The following AHCYL2 variants were observed in gnomAD, a reference collection of about 807,000 sequenced individuals.
AHCYL2 encodes adenosylhomocysteinase like 2, also known as S-adenosylhomocysteine hydrolase-like protein 2.
In AHCYL2, 28 loss-of-function variants were observed where a neutral mutation model predicts 81.4. The observed-to-expected ratio is 0.34, with a 90% CI of 0.25 to 0.47. The LOEUF (loss-of-function observed/expected upper bound fraction) is 0.47, where lower values mean the gene tolerates loss of function less well. Among genes scored for constraint, AHCYL2 ranks in the 20% least tolerant of loss-of-function variants. AHCYL2 has a pLI of 1.00. For missense variants in AHCYL2, 551 were observed against 785.1 expected (o/e 0.70, Z 3.56); for synonymous variants, 272 against 290.2 (o/e 0.94, Z 0.64).
chr7:129,343,405 C>T (rs1441389987), intron 1 of AHCYL2, among the ~76,000 whole-genome samples: 2 of 152,028 alleles, frequency 1.3e-5, no homozygotes, highest in Admixed American at 6.6e-5. Context: ...ACTTTGTTAG[C>T]GATATATGGA....
At position 129,368,900 on chromosome 7, in the gene AHCYL2, G is replaced by A. The variant is rs538352507; in HGVS notation, c.364-10738G>A. On this transcript the variant is annotated intron_variant, in intron 1 of 16. Coordinates refer to ENST00000325006, the MANE Select transcript of AHCYL2 (RefSeq NM_015328.4). This position sits in a 1 kb window ranked among gnomAD's most constrained non-coding sequence, Gnocchi z 4.4. ...CTGATGCTTCATTTGTTTCTCTGGG[G>A]GTAAAGAAAAAGAACAATGAGGAGA... 6.6e-6 allele frequency among the ~76,000 whole-genome samples: 1 copy of A among 152,090 alleles called. No homozygotes were observed. Among genetic ancestry groups the A allele is most frequent in the South Asian group, 2.1e-4 (1 of 4,804 alleles).
At chr7:129,330,139 G>T (rs1385364251) in intron 1 of AHCYL2, among the ~76,000 whole-genome samples, 1 of 152,164 alleles carries the variant, frequency 6.6e-6, no homozygotes, top group Non-Finnish European at 1.5e-5. Flanking sequence ...GAGTAGCTGG[G>T]ACTACAGGAA....
At chr7:129,230,498 A>G (rs1794391063) in intron 1 of AHCYL2, among the ~76,000 whole-genome samples, 1 of 152,058 alleles carries the variant, frequency 6.6e-6, no homozygotes, top group South Asian at 2.1e-4. Context: ...ATGTGATGGA[A>G]CTAACAGAGC....
chr7:129,389,275 G>C (rs1169172737), intron 3 of AHCYL2, 76 bp downstream of exon 3: 2 of 1,553,302 alleles, frequency 1.3e-6, no homozygotes, highest in African/African-American at 1.4e-5. Flanking sequence ...TTTATGTCTG[G>C]GGTCTGGTAG....
At chr7:129,387,374 C>T (rs1035910430) in intron 2 of AHCYL2, among the ~76,000 whole-genome samples, 8 of 152,270 alleles carry the variant, frequency 5.3e-5, no homozygotes, top group Admixed American at 2.6e-4. Flanking sequence ...ACAACTCTTT[C>T]AAACGGATCA....
intron 15 of AHCYL2, among the ~76,000 whole-genome samples, chr7:129,425,699 C>T (rs536441506): frequency 3.3e-4 from 50 of 152,346 alleles, no homozygotes; most frequent in Middle Eastern, 3.4e-3. Flanking sequence ...TGAACTGATA[C>T]AGTGTGTTTA....
At chr7:129,405,274 G>C in intron 8 of AHCYL2, 61 bp downstream of exon 8, 1 of 1,334,448 alleles carries the variant, frequency 7.5e-7, no homozygotes, top group South Asian at 1.4e-5. Context: ...AAGTTTTTTG[G>C]CTTTGGTTAT....
rs1797027183 is a variant in AHCYL2, at chr7:129,419,765, C to T, written c.1462-3075C>T. Reference sequence around the variant, plus strand: ...AAAAAACAAAAAAAAACCGGATATGCACTGTTCAGAATTATATAAGACCAA... The same window carrying T: ...AAAAAACAAAAAAAAACCGGATATGTACTGTTCAGAATTATATAAGACCAA... On this transcript the variant is annotated intron_variant, in intron 12 of 16. Coordinates refer to ENST00000325006, the MANE Select transcript of AHCYL2 (RefSeq NM_015328.4). This position sits in a 1 kb window ranked among gnomAD's most constrained non-coding sequence, Gnocchi z 4.7. Among the ~76,000 whole-genome samples, 1 of 151,540 alleles carries T rather than the reference C, an allele frequency of 6.6e-6. No individual in the cohort carries two copies. The highest frequency in any genetic ancestry group is 1.5e-5 in the Non-Finnish European group (1 of 67,940).
Position 129,273,564 on chromosome 7 carries a change from G to C in AHCYL2, c.363+48125G>C, listed in dbSNP as rs916819688. On this transcript the variant is annotated intron_variant, in intron 1 of 16. Transcript: ENST00000325006. ...GCTCGTCTCGAACTCCCGACCTCAGGTGATCCGCCCACCTCGGCCTCCCAA... is the reference window on the plus strand; with the variant it reads ...GCTCGTCTCGAACTCCCGACCTCAGCTGATCCGCCCACCTCGGCCTCCCAA... Among the ~76,000 whole-genome samples the C allele has an allele frequency of 2.0e-5, 3 of 151,570 alleles. No individual in the cohort carries two copies. The South Asian group carries it at 6.3e-4, about 32-fold the overall frequency.
At chr7:129,273,854 C>T (rs1039971190) in intron 1 of AHCYL2, among the ~76,000 whole-genome samples, 3 of 152,012 alleles carry the variant, frequency 2.0e-5, no homozygotes, top group East Asian at 1.9e-4. Flanking sequence ...ATAGGAAATC[C>T]ACAAGATTTT....
At chr7:129,407,902 G>A (rs577899660) in intron 10 of AHCYL2, among the ~76,000 whole-genome samples, 3 of 152,316 alleles carry the variant, frequency 2.0e-5, no homozygotes, top group Non-Finnish European at 4.4e-5. Context: ...GCTGAGTCTT[G>A]ACATTTGTAT....
In AHCYL2 at chr7:129,403,417, T is replaced by C; in HGVS notation, c.957T>C (p.Tyr319=). 1 of 1,611,782 alleles carries C rather than the reference T, an allele frequency of 6.2e-7. No individual in the cohort carries two copies. The highest frequency in any genetic ancestry group is 8.5e-7 in the Non-Finnish European group (1 of 1,178,778). Residue 319 remains tyrosine (Y), a synonymous_variant, in exon 7 of 17, where the codon TAT becomes TAC. Transcript: ENST00000325006. Reference sequence around the variant, plus strand: ...GAGGGGATCTTACCCACTGGATTTATAAAAAGTATCCCAACATGTTTAAGA... The same window carrying C: ...GAGGGGATCTTACCCACTGGATTTACAAAAAGTATCCCAACATGTTTAAGA... ...DDGGDLTHWI[Y]KKYPNMFKKI...
chr7:129,236,304 G>A (rs758026980), intron 1 of AHCYL2, among the ~76,000 whole-genome samples: 9 of 151,860 alleles, frequency 5.9e-5, no homozygotes, highest in African/African-American at 2.2e-4. Flanking sequence ...AGGTTCAAGC[G>A]ATTCTCTTGC....
rs149476596 is a variant in AHCYL2, at chr7:129,320,108, A to G, written c.364-59530A>G. Among the ~76,000 whole-genome samples the G allele has an allele frequency of 6.7e-3, 1,016 of 152,230 alleles. 28 individuals are homozygous for G. The highest frequency in any genetic ancestry group is 0.054 in the Admixed American group (829 of 15,288). On this transcript the variant is annotated intron_variant, in intron 1 of 16. Transcript: ENST00000325006. Reference sequence around the variant, plus strand: ...GTAGTGGTTTTTGTGTTTAATTTGCAATTCCATAATGTCTGATGATAAATC... The same window carrying G: ...GTAGTGGTTTTTGTGTTTAATTTGCGATTCCATAATGTCTGATGATAAATC...
At chr7:129,234,779 A>T (rs1794580633) in intron 1 of AHCYL2, among the ~76,000 whole-genome samples, 1 of 152,156 alleles carries the variant, frequency 6.6e-6, no homozygotes, top group African/African-American at 2.4e-5. Flanking sequence ...TACAGGTGTG[A>T]GCCACTGTGC....
At chr7:129,349,986 T>C (rs1793500112) in intron 1 of AHCYL2, among the ~76,000 whole-genome samples, 1 of 152,266 alleles carries the variant, frequency 6.6e-6, no homozygotes, top group African/African-American at 2.4e-5. Flanking sequence ...TTAACTCAGA[T>C]GTACATTTAG....
chr7:129,395,289 C>G (rs1480880195), intron 4 of AHCYL2, among the ~76,000 whole-genome samples: 1 of 152,224 alleles, frequency 6.6e-6, no homozygotes, highest in Non-Finnish European at 1.5e-5. Context: ...GACTGCTGCT[C>G]TTTGTTTCCT....
chr7:129,242,744 G>A (rs188944590), intron 1 of AHCYL2, among the ~76,000 whole-genome samples: 1 of 151,646 alleles, frequency 6.6e-6, no homozygotes, highest in Non-Finnish European at 1.5e-5. Context: ...ATTGCCTGTG[G>A]TATGTTAATT....
intron 1 of AHCYL2, among the ~76,000 whole-genome samples, chr7:129,291,954 G>A (rs2150751853): frequency 6.6e-6 from 1 of 151,936 alleles, no homozygotes; most frequent in African/African-American, 2.4e-5. Flanking sequence ...TTTTTTTAAT[G>A]GAACTTTATT....
Sources: allele counts gnomAD v4.1 joint callset (sites outside exome capture counted in the v4.1 genomes callset), GRCh38; gene constraint gnomAD v4.1.1; non-coding constraint Gnocchi (gnomAD v3.1); transcripts MANE v1.5; gene names NCBI Gene and HGNC (gene_info 2026-07-23, HGNC 2026-07-21).